Variants in TSGA10 observed in about 807,000 individuals in gnomAD.
TSGA10 encodes the protein testis-specific gene 10 protein.
In TSGA10, 43 loss-of-function variants were observed where a neutral mutation model predicts 96.6. The observed-to-expected ratio is 0.44, with a 90% CI of 0.35 to 0.57. The LOEUF (loss-of-function observed/expected upper bound fraction) is 0.57, where lower values mean the gene tolerates loss of function less well. Among genes scored for constraint, TSGA10 ranks in the 20% least tolerant of loss-of-function variants. The pLI, the probability that TSGA10 is intolerant of heterozygous loss-of-function variation, is 0.01. For synonymous variants in TSGA10, 229 were observed against 269.9 expected, an observed-to-expected ratio of 0.85 and a Z score of 1.48; for missense variants, 703 against 834.4, an observed-to-expected ratio of 0.84 and a Z score of 1.94.
At chr2:99,027,699 GAAAGA>G (rs2080754158) in intron 17 of TSGA10, among the ~76,000 whole-genome samples, 1 of 151,768 alleles carries the variant, frequency 6.6e-6, no homozygotes, top group Non-Finnish European at 1.5e-5. Context: ...ACTAAAAAAA[GAAAGA>G]AAAAAGTAAA....
chr2:99,045,109 C>T (rs891036169), intron 16 of TSGA10, among the ~76,000 whole-genome samples: 3 of 152,042 alleles, frequency 2.0e-5, no homozygotes, highest in African/African-American at 7.2e-5. Flanking sequence ...CCTAACATCA[C>T]AATTAAAAGA....
intron 10 of TSGA10, among the ~76,000 whole-genome samples, chr2:99,098,438 C>CAAAAAAAAAAAAA (rs59144676): frequency 1.1e-5 from 1 of 92,624 alleles, no homozygotes; most frequent in African/African-American, 5.1e-5. Context: ...GACTCTGCCT[C>CAAAAAAAAAAAAA]AAAAAAAAAA....
chr2:99,049,570 G>A (rs1163856732), intron 16 of TSGA10, among the ~76,000 whole-genome samples: 1 of 151,840 alleles, frequency 6.6e-6, no homozygotes, highest in African/African-American at 2.4e-5. Context: ...TCACACACCG[G>A]GGCCTGTCAG....
At chr2:99,041,341 G>A (rs117021883) in intron 16 of TSGA10, among the ~76,000 whole-genome samples, 4,103 of 152,184 alleles carry the variant, frequency 0.027, 202 homozygotes, top group East Asian at 0.21. Context: ...ATTTCTTTGC[G>A]ACACCAGGGA....
intron 10 of TSGA10, among the ~76,000 whole-genome samples, chr2:99,093,243 G>A (rs775910465): frequency 6.6e-6 from 1 of 152,042 alleles, no homozygotes; most frequent in East Asian, 1.9e-4. Flanking sequence ...AGCATAAAAG[G>A]GACATACCTT....
At chr2:99,008,712 T>C (rs1327476761) in intron 20 of TSGA10, among the ~76,000 whole-genome samples, 2 of 152,234 alleles carry the variant, frequency 1.3e-5, no homozygotes, top group African/African-American at 2.4e-5. Flanking sequence ...AGAATACATA[T>C]GTACAAGATT....
At chr2:99,143,305 CTTTT>C (rs11392712) in intron 1 of TSGA10, among the ~76,000 whole-genome samples, 2 of 149,394 alleles carry the variant, frequency 1.3e-5, no homozygotes, top group African/African-American at 2.5e-5. Flanking sequence ...CTACGCCCAG[CTTTT>C]TTTTTGTTTG....
At chr2:99,076,542 T>C (rs900052754) in intron 12 of TSGA10, among the ~76,000 whole-genome samples, 2 of 152,054 alleles carry the variant, frequency 1.3e-5, no homozygotes, top group African/African-American at 4.8e-5. Flanking sequence ...TATATCTCTA[T>C]GGGATATAGA....
chr2:99,049,423 C>A (rs915860997), intron 16 of TSGA10, among the ~76,000 whole-genome samples: 2 of 152,140 alleles, frequency 1.3e-5, no homozygotes, highest in Admixed American at 1.3e-4. Flanking sequence ...AGTTCATGTT[C>A]TTTACAGGGA....
chr2:99,044,906 T>G (rs1387620102), intron 16 of TSGA10, among the ~76,000 whole-genome samples: 1 of 152,146 alleles, frequency 6.6e-6, no homozygotes, highest in African/African-American at 2.4e-5. Flanking sequence ...ACATGGAAAC[T>G]GAACAACCTG....
chr2:99,095,367 C>T (rs1046781456), intron 10 of TSGA10, among the ~76,000 whole-genome samples: 1 of 151,986 alleles, frequency 6.6e-6, no homozygotes, highest in African/African-American at 2.4e-5. Flanking sequence ...TGTAACCAAA[C>T]ACCATCTGTT....
chr2:99,121,146 G>A (rs940132250), intron 2 of TSGA10, among the ~76,000 whole-genome samples: 4 of 152,138 alleles, frequency 2.6e-5, no homozygotes, highest in Admixed American at 6.5e-5. Flanking sequence ...TAAGTTTTGA[G>A]TAGATATAAG....
chr2:99,091,141 T>C (rs1459278328), intron 10 of TSGA10, among the ~76,000 whole-genome samples: 3 of 152,102 alleles, frequency 2.0e-5, no homozygotes, highest in East Asian at 1.9e-4. Flanking sequence ...AACAAAACAA[T>C]TGTCAGCCAT....
chr2:99,098,495 A>G (rs2090340566), intron 10 of TSGA10, among the ~76,000 whole-genome samples: 1 of 151,142 alleles, frequency 6.6e-6, no homozygotes, highest in Non-Finnish European at 1.5e-5. Flanking sequence ...AGGCCTAAAA[A>G]GTAAAAATGT....
intron 15 of TSGA10, among the ~76,000 whole-genome samples, chr2:99,065,983 G>A (rs2085224629): frequency 6.6e-6 from 1 of 152,252 alleles, no homozygotes; most frequent in South Asian, 2.1e-4. Context: ...ATGGTTTGGT[G>A]AATTCATTCT....
intron 17 of TSGA10, among the ~76,000 whole-genome samples, chr2:99,033,939 G>A (rs1409973456): frequency 3.3e-5 from 5 of 152,158 alleles, no homozygotes; most frequent in Non-Finnish European, 7.3e-5. Context: ...AGGAGGGTGA[G>A]CCAGGGCCTT....
At chr2:99,003,849 G>A (rs901898618) in intron 20 of TSGA10, among the ~76,000 whole-genome samples, 3 of 151,736 alleles carry the variant, frequency 2.0e-5, no homozygotes, top group African/African-American at 7.3e-5. Context: ...GAGAAAGCAG[G>A]AAAGATCTAA....
chr2:99,138,733 A>T (rs1253253547), intron 1 of TSGA10, among the ~76,000 whole-genome samples: 1 of 152,216 alleles, frequency 6.6e-6, no homozygotes, highest in African/African-American at 2.4e-5. Flanking sequence ...CTCTTTCAGA[A>T]TTAAAAGTCC....
At chr2:99,145,211 C>T (rs2093619882) in intron 1 of TSGA10, among the ~76,000 whole-genome samples, 2 of 152,096 alleles carry the variant, frequency 1.3e-5, no homozygotes, top group Admixed American at 6.5e-5. Context: ...CCAGTCAAGT[C>T]CTCCTCACAT....
Sources: gnomAD v4.1 joint callset for allele counts (sites outside exome capture counted in the v4.1 genomes callset) on GRCh38, gnomAD v4.1.1 for gene constraint, MANE v1.5 for transcripts, NCBI Gene and HGNC (gene_info 2026-07-23, HGNC 2026-07-21) for gene names.